The following GALNT14 variants were observed in gnomAD, a reference collection of about 807,000 sequenced individuals.
GALNT14 encodes polypeptide N-acetylgalactosaminyltransferase 14.
In GALNT14, 60 loss-of-function variants were observed where a neutral mutation model predicts 77.5. The observed-to-expected ratio is 0.77, with a 90% CI of 0.63 to 0.96. The LOEUF is 0.96. Among genes scored for constraint, GALNT14 ranks in the 40% least tolerant of loss-of-function variants. The pLI is 0.00. For synonymous variants in GALNT14, 280 were observed against 281.7 expected, an observed-to-expected ratio of 0.99 and a Z score of 0.06; for missense variants, 710 against 731.0, an observed-to-expected ratio of 0.97 and a Z score of 0.33.
intron 1 of GALNT14, chr2:31,129,329 T>TA (rs1333521563): frequency 2.1e-6 from 2 of 971,388 alleles, no homozygotes; most frequent in Non-Finnish European, 2.4e-6. Flanking sequence ...ATAAATGCTT[T>TA]GTAAACTGTA....
intron 1 of GALNT14, among the ~76,000 whole-genome samples, chr2:31,053,172 TC>T (rs1392732085): frequency 6.6e-6 from 1 of 152,166 alleles, no homozygotes; most frequent in Non-Finnish European, 1.5e-5. Flanking sequence ...GTGCTGGTGT[TC>T]CACTGGGCAC....
At chr2:31,102,174 T>TA (rs1558570197) in intron 1 of GALNT14, among the ~76,000 whole-genome samples, 3 of 150,754 alleles carry the variant, frequency 2.0e-5, no homozygotes, top group Non-Finnish European at 4.4e-5. Flanking sequence ...CTCATTAATC[T>TA]CTTTTATTTA....
intron 1 of GALNT14, chr2:31,132,683 G>A: frequency 2.1e-6 from 1 of 470,930 alleles, no homozygotes; most frequent in South Asian, 1.6e-5. Context: ...TCAATCCTGG[G>A]TGTAGGCTGC....
At chr2:30,956,098 T>C in intron 4 of GALNT14, 121 bp from the exon 5 acceptor site, 1 of 882,014 alleles carries the variant, frequency 1.1e-6, no homozygotes, top group Non-Finnish European at 1.9e-6. Context: ...GTCCCCTAAC[T>C]GCAGAGTGCA....
At chr2:30,947,717 G>T (rs889773932) in intron 6 of GALNT14, among the ~76,000 whole-genome samples, 6 of 152,160 alleles carry the variant, frequency 3.9e-5, no homozygotes, top group Non-Finnish European at 7.4e-5. Flanking sequence ...TCTCCTTGAA[G>T]CCATTTAATT....
chr2:31,045,474 T>G (rs1673383971), intron 1 of GALNT14, among the ~76,000 whole-genome samples: 1 of 152,196 alleles, frequency 6.6e-6, no homozygotes, highest in South Asian at 2.1e-4. Flanking sequence ...TGATTTTATT[T>G]TATTTTTTGA....
At chr2:31,009,740 C>T (rs964642762) in intron 1 of GALNT14, among the ~76,000 whole-genome samples, 3 of 152,200 alleles carry the variant, frequency 2.0e-5, no homozygotes, top group Non-Finnish European at 4.4e-5. Flanking sequence ...AGCCACATAG[C>T]TGCACAAGTC....
intron 1 of GALNT14, among the ~76,000 whole-genome samples, chr2:31,012,114 G>T (rs1160451820): frequency 3.3e-5 from 5 of 152,190 alleles, no homozygotes. Flanking sequence ...CAACAGATAA[G>T]CGCTGGGGAT....
chr2:30,952,071 C>T (rs750798108), intron 6 of GALNT14, among the ~76,000 whole-genome samples: 13 of 152,168 alleles, frequency 8.5e-5, no homozygotes, highest in Non-Finnish European at 1.5e-4. Flanking sequence ...CTGCCATTCT[C>T]TCGGCAAGGA....
intron 1 of GALNT14, among the ~76,000 whole-genome samples, chr2:31,089,562 A>C (rs1450932738): frequency 1.3e-5 from 2 of 152,110 alleles, no homozygotes; most frequent in Non-Finnish European, 2.9e-5. Flanking sequence ...TCTTATGCCA[A>C]CTTCCCTGAA....
Position 30,944,880 on chromosome 2 carries a change from G to T in GALNT14, c.805C>A (p.Leu269Met). ...QLSPEQKARR[L>M]DPTEPIRTPI... The stretch of plus-strand genomic sequence containing the variant: ...TACCTGATGGGCTCCGTGGGGTCCA[G>T]GCGCCGAGCCTTCTGCTCTGGGGAG... Residue 269 changes from leucine to methionine, a missense_variant, in exon 8 of 15, where the codon CTG becomes ATG. Transcript: ENST00000349752. 6.2e-7 allele frequency: 1 copy of T among 1,610,356 alleles called. No homozygotes were observed.
At chr2:31,107,159 G>T (rs527772201) in intron 1 of GALNT14, among the ~76,000 whole-genome samples, 2 of 152,304 alleles carry the variant, frequency 1.3e-5, no homozygotes, top group South Asian at 4.2e-4. Context: ...GTGTCTTCTG[G>T]ATGATCCTTT....
chr2:30,905,792 T>G (rs1391708324), downstream of GALNT14, among the ~76,000 whole-genome samples: 1 of 148,146 alleles, frequency 6.8e-6, no homozygotes, highest in South Asian at 2.2e-4. Flanking sequence ...AAGGAAAAAA[T>G]GTTAAGGGCA....
rs11397679 is a variant in GALNT14, at chr2:31,123,181, C to CAAA, written c.129+14774_129+14776dup. 8.3e-3 allele frequency among the ~76,000 whole-genome samples: 800 copies of CAAA among 96,332 alleles called. 24 individuals carry two copies. Among genetic ancestry groups the CAAA allele is most frequent in the Middle Eastern group, 0.013 (2 of 158 alleles). The allele number at this position is 96,332 out of a possible 152,430, so 63.2% of individuals were successfully genotyped here. A position where few individuals can be genotyped will look rare whatever the true frequency, so the allele number is the denominator to read the frequency against. On this transcript the variant is annotated intron_variant, in intron 1 of 14. Transcript: ENST00000349752. ...TGGGCAACAGAGCGAGACTCCATCT[C>CAAA]AAAAAAAAAAAAAAAAAAAACTTTA...
At chr2:30,901,038 T>C in the GALNT14 span, among the ~76,000 whole-genome samples, 6 of 151,900 alleles carry the variant, frequency 3.9e-5, no homozygotes, top group African/African-American at 2.4e-5. Context: ...AGAGGTGGGG[T>C]CCAAATTCTC....
At chr2:30,916,731 G>A (rs1376249788) in intron 13 of GALNT14, among the ~76,000 whole-genome samples, 1 of 152,054 alleles carries the variant, frequency 6.6e-6, no homozygotes, top group East Asian at 1.9e-4. Context: ...CCAGCCTGGG[G>A]CTTGTGGTCT....
At position 31,053,770 on chromosome 2, in the gene GALNT14, A is replaced by G. The variant is rs72854830; in HGVS notation, c.130-60763T>C. 6.0e-3 allele frequency among the ~76,000 whole-genome samples: 913 copies of G among 152,296 alleles called. 8 individuals carry two copies. Among genetic ancestry groups the G allele is most frequent in the African/African-American group, 0.021 (857 of 41,560 alleles). ...AGACAGGTTTCTTCACCACCTCGGC[A>G]TCCATGCTTTCTAACGAGAGACATA... On this transcript the variant is annotated intron_variant, in intron 1 of 14. Transcript: ENST00000349752.
At chr2:30,896,371 G>A in the GALNT14 span, among the ~76,000 whole-genome samples, 1 of 152,216 alleles carries the variant, frequency 6.6e-6, no homozygotes, top group African/African-American at 2.4e-5. Flanking sequence ...CAGTGTGAGA[G>A]GCAGCAGAGC....
chr2:30,917,703 G>T (rs889658469), intron 13 of GALNT14, among the ~76,000 whole-genome samples: 7 of 152,196 alleles, frequency 4.6e-5, no homozygotes, highest in Non-Finnish European at 8.8e-5. Flanking sequence ...TACGGTTCCC[G>T]TTTTGTAGAA....
Sources: gnomAD v4.1 joint callset for allele counts (sites outside exome capture counted in the v4.1 genomes callset) on GRCh38, gnomAD v4.1.1 for gene constraint, MANE v1.5 for transcripts, NCBI Gene and HGNC (gene_info 2026-07-23, HGNC 2026-07-21) for gene names.